PTPN3: variants seen among roughly 807,000 people sequenced by gnomAD.
PTPN3 encodes protein tyrosine phosphatase non-receptor type 3, also known as tyrosine-protein phosphatase non-receptor type 3.
PTPN3 carries 96 observed loss-of-function variants against 132.7 expected under a neutral mutation model. That is an observed-to-expected ratio of 0.72 (90% CI 0.61 to 0.86). The LOEUF (loss-of-function observed/expected upper bound fraction) is 0.86, where lower values mean the gene tolerates loss of function less well. Among genes scored for constraint, PTPN3 ranks in the 40% least tolerant of loss-of-function variants. The pLI is 0.00. For missense variants in PTPN3, 1,125 were observed against 1,159.6 expected, an observed-to-expected ratio of 0.97 and a Z score of 0.43; for synonymous variants, 398 against 429.0, an observed-to-expected ratio of 0.93 and a Z score of 0.89.
At chr9:109,451,209 C>T (rs1845221301) in intron 5 of PTPN3, 9 of 978,034 alleles carry the variant, frequency 9.2e-6, no homozygotes, top group African/African-American at 1.8e-5. Context: ...GGCAACATAG[C>T]AAGACCCTGT....
At chr9:109,428,897 C>T (rs1352731502) in intron 10 of PTPN3, 1 of 985,306 alleles carries the variant, frequency 1.0e-6, no homozygotes, top group Admixed American at 6.1e-5. Context: ...GTAAGGGCCA[C>T]TGGATTATGA....
In PTPN3 at chr9:109,408,781, T is replaced by TTA. The variant is rs1407250555; in HGVS notation, c.1579-405_1579-404insTA. Among the ~76,000 whole-genome samples, 11 of 62,134 alleles carry TTA rather than the reference T, an allele frequency of 1.8e-4. No homozygotes were observed. The South Asian group carries it at 5.5e-3, about 31-fold the overall frequency. The allele number at this position is 62,134 out of a possible 152,430, so 40.8% of individuals were successfully genotyped here. ...CATGTACCCTAGAACTTATAATAATTAAAAAAAAAAAAAAAATATATATAT... is the reference window on the plus strand; with the variant it reads ...CATGTACCCTAGAACTTATAATAATTTAAAAAAAAAAAAAAAAATATATATAT... On this transcript the variant is annotated intron_variant, in intron 16 of 25. Transcript: ENST00000374541.
At chr9:109,468,877 C>T (rs1024847078) in intron 1 of PTPN3, among the ~76,000 whole-genome samples, 2 of 152,218 alleles carry the variant, frequency 1.3e-5, no homozygotes, top group African/African-American at 4.8e-5. Flanking sequence ...TCTACAGATT[C>T]CAGATTTTGT....
Position 109,395,001 on chromosome 9 carries a change from G to A in PTPN3, c.1954-3440C>T, listed in dbSNP as rs185961769. 5.7e-3 allele frequency among the ~76,000 whole-genome samples: 871 copies of A among 152,140 alleles called. 16 individuals are homozygous for A. The highest frequency in any genetic ancestry group is 0.02 in the African/African-American group (831 of 41,492). ...AAAAATACAAAAAAATTAGCTGGGCGTGGCAGCAGGCGCCTGTAGTCCCAG... is the reference window on the plus strand; with the variant it reads ...AAAAATACAAAAAAATTAGCTGGGCATGGCAGCAGGCGCCTGTAGTCCCAG... On this transcript the variant is annotated intron_variant, in intron 19 of 25. Coordinates refer to ENST00000374541, the MANE Select transcript of PTPN3 (RefSeq NM_002829.4).
intron 12 of PTPN3, among the ~76,000 whole-genome samples, chr9:109,425,365 T>C (rs555562126): frequency 8.9e-4 from 136 of 152,326 alleles, no homozygotes; most frequent in African/African-American, 3.2e-3. Context: ...TAGTTAGTAA[T>C]AGCCACATCA....
At chr9:109,505,683 A>G in the PTPN3 span, among the ~76,000 whole-genome samples, 1 of 152,160 alleles carries the variant, frequency 6.6e-6, no homozygotes, top group South Asian at 2.1e-4. Flanking sequence ...AGGATGGGAA[A>G]TTTTACTAAT....
chr9:109,449,491 C>T, intron 5 of PTPN3: 1 of 985,510 alleles, frequency 1.0e-6, no homozygotes, highest in Non-Finnish European at 1.2e-6. Flanking sequence ...AATGTAACTT[C>T]CAAACTCCAG....
chr9:109,407,109 A>T (rs561113909), intron 17 of PTPN3, among the ~76,000 whole-genome samples: 1 of 152,376 alleles, frequency 6.6e-6, no homozygotes, highest in Non-Finnish European at 1.5e-5. Flanking sequence ...CAGAAACTGT[A>T]AACAGTAACA....
At chr9:109,520,143 A>G in the PTPN3 span, among the ~76,000 whole-genome samples, 1 of 145,738 alleles carries the variant, frequency 6.9e-6, no homozygotes, top group East Asian at 2.0e-4. Flanking sequence ...TGGGTGATAC[A>G]GCGAGAGTCT....
chr9:109,395,350 T>A (rs1399771459), intron 19 of PTPN3, among the ~76,000 whole-genome samples: 1 of 152,230 alleles, frequency 6.6e-6, no homozygotes, highest in African/African-American at 2.4e-5. Flanking sequence ...AAAAGCTAGG[T>A]GGACAAATCA....
At chr9:109,415,189 G>A (rs941374394) in intron 14 of PTPN3, among the ~76,000 whole-genome samples, 4 of 152,062 alleles carry the variant, frequency 2.6e-5, no homozygotes, top group Admixed American at 2.0e-4. Context: ...GGAAGGAGAG[G>A]TGAATAGGGC....
intron 1 of PTPN3, among the ~76,000 whole-genome samples, chr9:109,465,342 C>T (rs1473319686): frequency 6.6e-6 from 1 of 151,690 alleles, no homozygotes; most frequent in East Asian, 1.9e-4. Context: ...TTTGGGAGGC[C>T]GAAGCGGGCG....
chr9:109,517,521 A>C, the PTPN3 span, among the ~76,000 whole-genome samples: 2 of 152,234 alleles, frequency 1.3e-5, no homozygotes, highest in Non-Finnish European at 2.9e-5. Flanking sequence ...AATGAATGTG[A>C]ATTAAAATCA....
intron 20 of PTPN3, 115 bp from the exon 21 acceptor site, chr9:109,391,314 T>A: frequency 7.9e-7 from 1 of 1,272,160 alleles, no homozygotes; most frequent in Non-Finnish European, 1.1e-6. Context: ...GCATAAACAC[T>A]ATTCCCCAAC....
At chr9:109,425,602 T>C (rs1343809610) in intron 12 of PTPN3, among the ~76,000 whole-genome samples, 2 of 151,816 alleles carry the variant, frequency 1.3e-5, no homozygotes, top group African/African-American at 4.8e-5. Context: ...TCCCAGCTAC[T>C]TGGGAGGCTG....
chr9:109,533,320 AT>A, the PTPN3 span: 1 of 431,090 alleles, frequency 2.3e-6, no homozygotes, highest in African/African-American at 2.1e-5. Context: ...AATTTTTTGT[AT>A]TTTTAGTAGA....
chr9:109,489,600 T>C (rs1412090321), intron 1 of PTPN3, among the ~76,000 whole-genome samples: 2 of 152,136 alleles, frequency 1.3e-5, no homozygotes, highest in African/African-American at 2.4e-5. Flanking sequence ...GTTGGGATGA[T>C]AAATTCTAGT....
intron 7 of PTPN3, among the ~76,000 whole-genome samples, chr9:109,439,175 A>C (rs1477496109): frequency 6.6e-6 from 1 of 152,182 alleles, no homozygotes; most frequent in African/African-American, 2.4e-5. Flanking sequence ...CATTGAGGAA[A>C]CTGGGAAAAA....
intron 10 of PTPN3, 32 bp downstream of exon 10, chr9:109,433,041 T>A (rs553256382): frequency 1.2e-6 from 2 of 1,608,118 alleles, no homozygotes; most frequent in African/African-American, 2.7e-5. Flanking sequence ...TAAAGCATGA[T>A]TCAGAAAATA....
Sources: allele counts gnomAD v4.1 joint callset (sites outside exome capture counted in the v4.1 genomes callset), GRCh38; gene constraint gnomAD v4.1.1; transcripts MANE v1.5; gene names NCBI Gene and HGNC (gene_info 2026-07-23, HGNC 2026-07-21).